Variants in ALK observed in about 807,000 individuals in gnomAD.
The protein encoded by ALK is ALK receptor tyrosine kinase.
A neutral mutation model predicts 163.1 loss-of-function variants in ALK; 74 were observed. That is an observed-to-expected ratio of 0.45 (90% CI 0.38 to 0.55). ALK has a LOEUF of 0.55. Ranked by LOEUF, ALK falls within the 20% of genes least tolerant of loss-of-function variation. The probability of loss-of-function intolerance (pLI) is 0.00; values close to 1 mark genes in which losing one functional copy is unlikely to be tolerated. For synonymous variants in ALK, 960 were observed against 843.2 expected (o/e 1.14, Z -2.40); for missense variants, 2,063 against 2,105.3 (o/e 0.98, Z 0.39).
At chr2:29,504,063 G>A (rs1357311889) in intron 4 of ALK, among the ~76,000 whole-genome samples, 2 of 152,080 alleles carry the variant, frequency 1.3e-5, no homozygotes, top group African/African-American at 4.8e-5. Context: ...GGTGCTAAAA[G>A]GAGCTAAACA....
chr2:29,894,312 G>A (rs1667216863), intron 1 of ALK, among the ~76,000 whole-genome samples: 2 of 152,126 alleles, frequency 1.3e-5, no homozygotes, highest in Admixed American at 1.3e-4. Context: ...AAGGGCAGGT[G>A]TTTGGGGATC....
At chr2:29,428,042 G>T (rs1199487444) in intron 4 of ALK, among the ~76,000 whole-genome samples, 3 of 151,948 alleles carry the variant, frequency 2.0e-5, no homozygotes, top group Non-Finnish European at 4.4e-5. Context: ...GGTCAAAGGA[G>T]AAATCATAAG....
intron 3 of ALK, among the ~76,000 whole-genome samples, chr2:29,648,867 G>T (rs907955376): frequency 6.6e-6 from 1 of 152,080 alleles, no homozygotes; most frequent in Non-Finnish European, 1.5e-5. Flanking sequence ...CATATTTTGA[G>T]ACTTTGCATG....
chr2:29,650,625 T>C (rs938490948), intron 3 of ALK, among the ~76,000 whole-genome samples: 72 of 152,090 alleles, frequency 4.7e-4, no homozygotes, highest in African/African-American at 1.6e-3. Context: ...AAACAGAGCT[T>C]TCAGGTTTCT....
chr2:29,273,582 T>C (rs1353363522), intron 11 of ALK, among the ~76,000 whole-genome samples: 1 of 152,174 alleles, frequency 6.6e-6, no homozygotes, highest in Non-Finnish European at 1.5e-5. Context: ...GTTTCCTAAA[T>C]GCTGGCTGCA....
intron 1 of ALK, among the ~76,000 whole-genome samples, chr2:29,747,343 T>G (rs1046645328): frequency 1.3e-5 from 2 of 152,190 alleles, no homozygotes; most frequent in Admixed American, 6.5e-5. Flanking sequence ...AAAAACAAAT[T>G]TCAGAAACAA....
intron 4 of ALK, among the ~76,000 whole-genome samples, chr2:29,496,078 C>T (rs541735256): frequency 2.3e-3 from 346 of 152,260 alleles, no homozygotes; most frequent in African/African-American, 8.1e-3. Context: ...CAGTTCTCTG[C>T]TCAGGAATAG....
At chr2:29,825,307 T>C (rs530138634) in intron 1 of ALK, among the ~76,000 whole-genome samples, 1 of 152,348 alleles carries the variant, frequency 6.6e-6, no homozygotes, top group African/African-American at 2.4e-5. Flanking sequence ...ATTCATCATA[T>C]ATGTATTAAG....
At chr2:29,256,884 G>C (rs1026941738) in intron 11 of ALK, among the ~76,000 whole-genome samples, 1 of 152,206 alleles carries the variant, frequency 6.6e-6, no homozygotes, top group Admixed American at 6.5e-5. Flanking sequence ...CCCCAGAGAG[G>C]ACATGGGAGC....
At chr2:29,770,345 C>T (rs1259576451) in intron 1 of ALK, among the ~76,000 whole-genome samples, 1 of 152,212 alleles carries the variant, frequency 6.6e-6, no homozygotes, top group Non-Finnish European at 1.5e-5. Flanking sequence ...GTACTGACCA[C>T]AAGATTCTCT....
rs74726878 is a variant in ALK at position 29,744,815 on chromosome 2, C to T, written c.668-27118G>A. Among the ~76,000 whole-genome samples, 797 of 151,950 alleles carry T rather than the reference C, an allele frequency of 5.2e-3. 4 individuals are homozygous for T. The highest frequency in any genetic ancestry group is 0.034 in the Middle Eastern group (10 of 294). On this transcript the variant is annotated intron_variant, in intron 1 of 28. Coordinates refer to ENST00000389048, the MANE Select transcript of ALK (RefSeq NM_004304.5). ...AACACGGTTTCAAGATGGGGGGTACCGAGAGAGAGAGCAGATGGAAGCTGT... is the reference window on the plus strand; with the variant it reads ...AACACGGTTTCAAGATGGGGGGTACTGAGAGAGAGAGCAGATGGAAGCTGT...
At chr2:29,419,448 G>A (rs1573337531) in intron 4 of ALK, among the ~76,000 whole-genome samples, 1 of 151,496 alleles carries the variant, frequency 6.6e-6, no homozygotes, top group East Asian at 1.9e-4. Flanking sequence ...GACTTGGAAT[G>A]TGTTAAACAG....
At chr2:29,536,069 C>T (rs913007414) in intron 3 of ALK, among the ~76,000 whole-genome samples, 1 of 152,146 alleles carries the variant, frequency 6.6e-6, no homozygotes, top group Non-Finnish European at 1.5e-5. Flanking sequence ...AAGGCTGCTA[C>T]CACCTCTAAA....
At chr2:29,348,042 A>G (rs780994427) in intron 5 of ALK, among the ~76,000 whole-genome samples, 29 of 152,308 alleles carry the variant, frequency 1.9e-4, no homozygotes, top group Middle Eastern at 3.4e-3. Context: ...GTGTCTTATT[A>G]AAACCTTTCC....
chr2:29,266,487 T>C (rs1573176099), intron 11 of ALK, among the ~76,000 whole-genome samples: 1 of 152,336 alleles, frequency 6.6e-6, no homozygotes, highest in East Asian at 1.9e-4. Flanking sequence ...TACATATATA[T>C]TTAATAATAA....
At chr2:29,818,981 C>A (rs747577626) in intron 1 of ALK, among the ~76,000 whole-genome samples, 1 of 152,212 alleles carries the variant, frequency 6.6e-6, no homozygotes, top group Non-Finnish European at 1.5e-5. Context: ...TACCACCATA[C>A]CTGTGATCCC....
chr2:29,477,168 T>C (rs1671546361), intron 4 of ALK, among the ~76,000 whole-genome samples: 1 of 152,024 alleles, frequency 6.6e-6, no homozygotes, highest in Admixed American at 6.6e-5. Flanking sequence ...AGCCAAGAGA[T>C]ACTTCCTGGG....
At chr2:29,726,841 A>AT (rs1679589419) in intron 1 of ALK, among the ~76,000 whole-genome samples, 1 of 152,194 alleles carries the variant, frequency 6.6e-6, no homozygotes, top group African/African-American at 2.4e-5. Context: ...AGATGAAAAG[A>AT]TTGAGGCTCG....
intron 1 of ALK, among the ~76,000 whole-genome samples, chr2:29,900,607 C>T (rs1667385860): frequency 6.6e-6 from 1 of 152,232 alleles, no homozygotes; most frequent in Non-Finnish European, 1.5e-5. Flanking sequence ...CACTCAATGT[C>T]TATCCGCAGT....
Sources: gnomAD v4.1 joint callset for allele counts (sites outside exome capture counted in the v4.1 genomes callset) on GRCh38, gnomAD v4.1.1 for gene constraint, MANE v1.5 for transcripts, NCBI Gene and HGNC (gene_info 2026-07-23, HGNC 2026-07-21) for gene names.